MYRIP: variants seen among roughly 807,000 people sequenced by gnomAD.
The protein encoded by MYRIP is rab effector MyRIP.
A neutral mutation model predicts 98.0 loss-of-function variants in MYRIP; 49 were observed. That is an observed-to-expected ratio of 0.50 (90% CI 0.40 to 0.63). MYRIP has a LOEUF of 0.63. MYRIP is among the 30% of genes least tolerant of loss of function. MYRIP has a pLI of 0.00. For synonymous variants in MYRIP, 404 were observed against 409.5 expected (o/e 0.99, Z 0.16); for missense variants, 1,004 against 1,058.2 (o/e 0.95, Z 0.71).
At chr3:40,191,671 A>T (rs1475846560) in intron 10 of MYRIP, among the ~76,000 whole-genome samples, 2 of 152,168 alleles carry the variant, frequency 1.3e-5, no homozygotes, top group Admixed American at 1.3e-4. Flanking sequence ...TTGCCTAGAA[A>T]AGGTATTTTA....
chr3:40,234,481 C>T (rs1181499372), intron 12 of MYRIP, among the ~76,000 whole-genome samples: 1 of 152,206 alleles, frequency 6.6e-6, no homozygotes, highest in Non-Finnish European at 1.5e-5. Flanking sequence ...CAGGCAGTGT[C>T]TCCAGCAGCC....
At chr3:39,932,569 T>C (rs1326044101) in intron 2 of MYRIP, among the ~76,000 whole-genome samples, 1 of 152,002 alleles carries the variant, frequency 6.6e-6, no homozygotes, top group South Asian at 2.1e-4. Context: ...TTTTGTTTAG[T>C]AGAGTTGGGG....
chr3:40,240,599 G>A (rs1341200695), intron 12 of MYRIP, among the ~76,000 whole-genome samples: 1 of 152,174 alleles, frequency 6.6e-6, no homozygotes, highest in Non-Finnish European at 1.5e-5. Context: ...TTAAAAAAGA[G>A]GGCATGGGTA....
At chr3:40,169,307 G>A (rs1229544846) in intron 7 of MYRIP, among the ~76,000 whole-genome samples, 1 of 152,168 alleles carries the variant, frequency 6.6e-6, no homozygotes, top group African/African-American at 2.4e-5. Flanking sequence ...CTGGCCTAAA[G>A]GAACATTGGA....
At position 40,044,148 on chromosome 3, in the gene MYRIP, C is replaced by G. The variant is rs771378902; in HGVS notation, c.209C>G (p.Pro70Arg). ...CACTGCTGCATGCGCTGCTGCTCGC[C>G]CTTCACCTTCCTCGTCAACACCAAG... ...VEHCCMRCCS[P>R]FTFLVNTKRQ... The change falls in exon 3 of 17, where the codon CCC becomes CGC. Residue 70 changes from proline to arginine, a missense_variant. Around this residue, in one of 3 missense-constraint regions of MYRIP, gnomAD observed 880 missense variants for 907.7 expected, o/e 0.97. Transcript: ENST00000302541. 2.5e-6 allele frequency: 4 copies of G among 1,614,164 alleles called. No individual in the cohort carries two copies. The Admixed American group carries it at 6.7e-5, about 27-fold the overall frequency.
intron 3 of MYRIP, among the ~76,000 whole-genome samples, chr3:40,077,811 C>G (rs890132318): frequency 6.6e-6 from 1 of 152,270 alleles, no homozygotes; most frequent in Non-Finnish European, 1.5e-5. Context: ...AGGTTCTCCA[C>G]GTCTCCACCA....
rs149356378 is a variant in MYRIP at position 40,190,189 on chromosome 3, G to A, written c.1391G>A (p.Arg464Gln). ...GAGACCTCCTCCGCAGGCTCTTCCC[G>A]AGAAGTTGGGCACCAGGCCAGACTG... ...DSETSSAGSS[R>Q]EVGHQARLSW... Residue 464 changes from arginine (R) to glutamine (Q), a missense_variant, in exon 10 of 17, where the codon CGA (arginine) becomes CAA (glutamine). Arg to Gln is a conservative substitution (Grantham distance 43, BLOSUM62 1). This residue lies in a region of MYRIP where 880 missense variants were observed against 907.7 expected (regional missense o/e 0.97). Transcript: ENST00000302541. 14 of 1,614,124 alleles carry A rather than the reference G, an allele frequency of 8.7e-6. No homozygotes were observed. The highest frequency in any genetic ancestry group is 2.7e-5 in the African/African-American group (2 of 75,038).
chr3:40,257,200 TG>T (rs1953623344), intron 16 of MYRIP, among the ~76,000 whole-genome samples: 1 of 152,138 alleles, frequency 6.6e-6, no homozygotes, highest in Non-Finnish European at 1.5e-5. Context: ...GGCATATGCC[TG>T]TAGTCCCAGC....
At chr3:40,131,844 C>T (rs1332257481) in intron 3 of MYRIP, among the ~76,000 whole-genome samples, 3 of 151,952 alleles carry the variant, frequency 2.0e-5, no homozygotes, top group Non-Finnish European at 2.9e-5. Context: ...CATATCTCCT[C>T]TTTTCCAAAA....
intron 3 of MYRIP, among the ~76,000 whole-genome samples, chr3:40,074,721 C>T (rs1409154086): frequency 6.6e-6 from 1 of 152,106 alleles, no homozygotes; most frequent in African/African-American, 2.4e-5. Flanking sequence ...ACAAAACATA[C>T]ATCTGATAAA....
chr3:39,812,014 A>G (rs1225470299), intron 1 of MYRIP, among the ~76,000 whole-genome samples: 2 of 152,190 alleles, frequency 1.3e-5, no homozygotes, highest in Non-Finnish European at 2.9e-5. Flanking sequence ...CTTGCCGGAA[A>G]GCCAAGTTAA....
Position 40,154,675 on chromosome 3 carries a change from A to G in MYRIP, c.469+3491A>G, listed in dbSNP as rs540030150. 9.9e-5 allele frequency among the ~76,000 whole-genome samples: 15 copies of G among 152,208 alleles called. No homozygotes were observed. The East Asian group carries it at 2.9e-3, about 29-fold the overall frequency. On this transcript the variant is annotated intron_variant, in intron 4 of 16. Coordinates refer to ENST00000302541, the MANE Select transcript of MYRIP (RefSeq NM_015460.4). Reference sequence around the variant, plus strand: ...TCACCTAGGTATAAGCCCCACATGTATTAGCTATTTATCCTGATGTTCACC... The same window carrying G: ...TCACCTAGGTATAAGCCCCACATGTGTTAGCTATTTATCCTGATGTTCACC...
chr3:40,160,833 G>A (rs1950374420), intron 4 of MYRIP, among the ~76,000 whole-genome samples: 1 of 152,168 alleles, frequency 6.6e-6, no homozygotes, highest in South Asian at 2.1e-4. Flanking sequence ...CGCTTCCTGA[G>A]TGAGGCAATG....
At chr3:40,238,195 C>A (rs1952875403) in intron 12 of MYRIP, among the ~76,000 whole-genome samples, 1 of 152,198 alleles carries the variant, frequency 6.6e-6, no homozygotes, top group African/African-American at 2.4e-5. Flanking sequence ...TTAAATTTCA[C>A]CTCAGAAGAA....
Position 40,212,243 on chromosome 3 carries a change from C to CAT in MYRIP, c.1905+2151_1905+2152insTA, listed in dbSNP as rs1951976703. ...ATATATATACACACACACACACACA[C>CAT]ACATATATATATATACACGTATATA... is the stretch of plus-strand genomic sequence containing the variant. On this transcript the variant is annotated intron_variant, in intron 11 of 16. Transcript: ENST00000302541. Among the ~76,000 whole-genome samples, 2 of 27,082 alleles carry CAT rather than the reference C, an allele frequency of 7.4e-5. 1 individual carries two copies. Among genetic ancestry groups the CAT allele is most frequent in the Non-Finnish European group, 2.4e-4 (2 of 8,376 alleles). The allele number at this position is 27,082 out of a possible 152,430, so 17.8% of individuals were successfully genotyped here.
intron 2 of MYRIP, among the ~76,000 whole-genome samples, chr3:40,015,397 C>T (rs1276600334): frequency 6.6e-6 from 1 of 152,216 alleles, no homozygotes; most frequent in Non-Finnish European, 1.5e-5. Flanking sequence ...GTGAGAGAAG[C>T]TTTGATCAGG....
intron 1 of MYRIP, among the ~76,000 whole-genome samples, chr3:39,815,617 G>A (rs1239249029): frequency 7.9e-5 from 12 of 151,982 alleles, no homozygotes; most frequent in Non-Finnish European, 1.3e-4. Context: ...TAGATTCTCT[G>A]GATATTCTGT....
At position 40,112,509 on chromosome 3, in the gene MYRIP, C is replaced by T. The variant is rs572782345; in HGVS notation, c.333-38539C>T. Among the ~76,000 whole-genome samples, 3 of 152,320 alleles carry T rather than the reference C, an allele frequency of 2.0e-5. No homozygotes were observed. In the South Asian group the frequency reaches 6.2e-4, roughly 32 times the overall value. On this transcript the variant is annotated intron_variant, in intron 3 of 16. Transcript: ENST00000302541. ...GGGTTTAGCCCATCACTTCCTAAAG[C>T]TGGTAGGAGCCATTACCAGCCAGCT...
At chr3:39,923,517 G>T (rs1944349974) in intron 2 of MYRIP, among the ~76,000 whole-genome samples, 1 of 152,096 alleles carries the variant, frequency 6.6e-6, no homozygotes, top group African/African-American at 2.4e-5. Context: ...GTATTTTTTA[G>T]GTGCTAAAAG....
Sources: allele counts gnomAD v4.1 joint callset (sites outside exome capture counted in the v4.1 genomes callset), GRCh38; gene constraint gnomAD v4.1.1; regional missense constraint gnomAD v4.1.1; transcripts MANE v1.5; gene names NCBI Gene and HGNC (gene_info 2026-07-23, HGNC 2026-07-21).